The following ERGIC1 variants were observed in gnomAD, a reference collection of about 807,000 sequenced individuals.
The protein encoded by ERGIC1 is endoplasmic reticulum-golgi intermediate compartment 1, also known as endoplasmic reticulum-Golgi intermediate compartment protein 1.
ERGIC1 carries 19 observed loss-of-function variants against 38.3 expected under a neutral mutation model. The ratio of observed to expected loss-of-function variants is 0.50; its 90% CI spans 0.35 to 0.73. The LOEUF is 0.73. Among genes scored for constraint, ERGIC1 ranks in the 30% least tolerant of loss-of-function variants. The pLI is 0.01. For synonymous variants in ERGIC1, 124 were observed against 157.6 expected (o/e 0.79, Z 1.60); for missense variants, 294 against 389.2 (o/e 0.76, Z 2.06).
At chr5:172,843,491 A>G (rs980844778) in intron 1 of ERGIC1, among the ~76,000 whole-genome samples, 4 of 152,200 alleles carry the variant, frequency 2.6e-5, no homozygotes, top group African/African-American at 9.7e-5. Context: ...TCACACCAAC[A>G]TATAGAATTA....
intron 9 of ERGIC1, among the ~76,000 whole-genome samples, chr5:172,938,685 G>A (rs113817721): frequency 0.019 from 2,898 of 151,668 alleles, 82 homozygotes; most frequent in African/African-American, 0.066. Flanking sequence ...CCCAGAAGGC[G>A]GACGTTGCAG....
chr5:172,932,377 A>G (rs1386004734), intron 7 of ERGIC1, 59 bp from the exon 8 acceptor site: 1 of 1,555,186 alleles, frequency 6.4e-7, no homozygotes, highest in South Asian at 1.1e-5. Flanking sequence ...GAAATGACAT[A>G]GAGCTGTCAG....
rs1275565676 is a variant in ERGIC1, at chr5:172,935,258, T to A, written c.713T>A (p.Ile238Asn). The A allele has an allele frequency of 6.2e-7, 1 of 1,614,104 alleles. No individual in the cohort carries two copies. The highest frequency in any genetic ancestry group is 1.7e-5 in the Admixed American group (1 of 60,008). The change falls in exon 9 of 10, where the codon ATC becomes AAC. Residue 238 changes from isoleucine to asparagine, a missense_variant. Coordinates refer to ENST00000393784, the MANE Select transcript of ERGIC1 (RefSeq NM_001031711.3). ...AIWFRYDLSP[I>N]TVKYTERRQP... ...TGGTTCCGCTACGACCTCAGCCCCA[T>A]CACGGTCAAGTACACAGAGAGACGG...
chr5:172,911,673 C>A (rs1392739620), intron 4 of ERGIC1, among the ~76,000 whole-genome samples: 1 of 152,194 alleles, frequency 6.6e-6, no homozygotes, highest in Admixed American at 6.5e-5. Context: ...GTGTTGGTGA[C>A]ATTTTGACAT....
chr5:172,922,191 G>A (rs904874106), intron 5 of ERGIC1: 1 of 152,410 alleles, frequency 6.6e-6, no homozygotes, highest in South Asian at 2.1e-4. Flanking sequence ...TCCAACAGAC[G>A]TGAGCTGAGA....
chr5:172,914,242 A>AT (rs1763285313), intron 4 of ERGIC1, among the ~76,000 whole-genome samples: 1 of 68,372 alleles, frequency 1.5e-5, no homozygotes, highest in African/African-American at 5.6e-5. Flanking sequence ...CTCAAAAAAA[A>AT]AAAAAAAAAA....
chr5:172,884,257 T>TTTC, intron 1 of ERGIC1, among the ~76,000 whole-genome samples: 1 of 68,056 alleles, frequency 1.5e-5, no homozygotes, highest in East Asian at 6.2e-4. Context: ...TTTTTTTTTT[T>TTTC]TTTTTTTTTT....
At chr5:172,855,004 A>G (rs1761509256) in intron 1 of ERGIC1, among the ~76,000 whole-genome samples, 1 of 152,154 alleles carries the variant, frequency 6.6e-6, no homozygotes, top group South Asian at 2.1e-4. Context: ...CTGAGGGGCC[A>G]CCTGGGACTC....
chr5:172,858,266 T>C (rs2113082686), intron 1 of ERGIC1, among the ~76,000 whole-genome samples: 1 of 152,268 alleles, frequency 6.6e-6, no homozygotes, highest in East Asian at 1.9e-4. Context: ...GACAGAGAGC[T>C]GGGGAGTGCC....
At chr5:172,923,910 T>G (rs186821416) in intron 5 of ERGIC1, 95 bp from the exon 6 acceptor site, 1 of 1,097,974 alleles carries the variant, frequency 9.1e-7, no homozygotes, top group Admixed American at 2.0e-5. Context: ...TCTGCCTGAT[T>G]CCAGTGTCCT....
At chr5:172,870,488 T>C (rs1212822630) in intron 1 of ERGIC1, among the ~76,000 whole-genome samples, 1 of 152,262 alleles carries the variant, frequency 6.6e-6, no homozygotes, top group Non-Finnish European at 1.5e-5. Flanking sequence ...TGATGTGAGC[T>C]GCTAGATGAC....
chr5:172,881,277 CTAAG>C (rs1467724932), intron 1 of ERGIC1, among the ~76,000 whole-genome samples: 1 of 152,086 alleles, frequency 6.6e-6, no homozygotes, highest in Non-Finnish European at 1.5e-5. Flanking sequence ...GTGAAACTGT[CTAAG>C]TATCCACAAA....
intron 3 of ERGIC1, among the ~76,000 whole-genome samples, chr5:172,902,726 G>C (rs1432338146): frequency 6.6e-6 from 1 of 152,058 alleles, no homozygotes; most frequent in Non-Finnish European, 1.5e-5. Context: ...TCAAGGCTCC[G>C]GAGCACGTGC....
At chr5:172,866,004 G>T (rs1443792056) in intron 1 of ERGIC1, among the ~76,000 whole-genome samples, 4 of 152,066 alleles carry the variant, frequency 2.6e-5, no homozygotes, top group Non-Finnish European at 1.5e-5. Context: ...CCTAAATGTG[G>T]TATTTATCCT....
At chr5:172,913,182 C>T (rs1763253519) in intron 4 of ERGIC1, among the ~76,000 whole-genome samples, 1 of 152,258 alleles carries the variant, frequency 6.6e-6, no homozygotes. Flanking sequence ...CACTGATCTG[C>T]TCTGAGCCTC....
chr5:172,929,175 A>G (rs966268295), intron 7 of ERGIC1, among the ~76,000 whole-genome samples: 128 of 129,642 alleles, frequency 9.9e-4, no homozygotes, highest in Middle Eastern at 8.3e-3. Flanking sequence ...GTGTGTGTAT[A>G]TAAGTATACA....
chr5:172,904,537 C>T (rs1269382765), intron 3 of ERGIC1, among the ~76,000 whole-genome samples: 1 of 152,244 alleles, frequency 6.6e-6, no homozygotes, highest in Non-Finnish European at 1.5e-5. Flanking sequence ...CCACTGCCCA[C>T]ACTGGTGACA....
At chr5:172,904,674 A>C (rs2113350879) in intron 3 of ERGIC1, among the ~76,000 whole-genome samples, 1 of 152,060 alleles carries the variant, frequency 6.6e-6, no homozygotes, top group South Asian at 2.1e-4. Context: ...CTAGCCAATG[A>C]AGTTAGTTAG....
intron 9 of ERGIC1, among the ~76,000 whole-genome samples, chr5:172,948,048 G>A (rs1014846659): frequency 2.0e-5 from 3 of 152,094 alleles, no homozygotes; most frequent in Non-Finnish European, 2.9e-5. Context: ...CTCCCCTGCC[G>A]TCATCTTCCC....
Sources: gnomAD v4.1 joint callset for allele counts (sites outside exome capture counted in the v4.1 genomes callset) on GRCh38, gnomAD v4.1.1 for gene constraint, MANE v1.5 for transcripts, NCBI Gene and HGNC (gene_info 2026-07-23, HGNC 2026-07-21) for gene names.